Variants in CSGALNACT1 observed in about 807,000 individuals in gnomAD.
CSGALNACT1 encodes the protein beta4GalNAcT-1.
Under a neutral mutation model 51.0 loss-of-function variants are expected in CSGALNACT1, and 52 were observed. That is an observed-to-expected ratio of 1.02 (90% CI 0.82 to 1.29). The LOEUF is 1.29. Ranked by LOEUF, CSGALNACT1 falls within the 50% of genes most tolerant of loss-of-function variation. CSGALNACT1 has a pLI of 0.00. For synonymous variants in CSGALNACT1, 341 were observed against 254.4 expected, an observed-to-expected ratio of 1.34 and a Z score of -3.24; for missense variants, 935 against 679.2, an observed-to-expected ratio of 1.38 and a Z score of -4.19.
rs368645224 is a variant in CSGALNACT1 at position 19,457,539 on chromosome 8, G to T, written c.851+887C>A. The T allele has an allele frequency of 1.6e-5, 8 of 511,134 alleles. No homozygotes were observed. The Admixed American group carries it at 2.0e-4, about 13-fold the overall frequency. 31.7% of individuals were successfully genotyped at this position (511,134 alleles called of 1,614,324 possible). A position where few individuals can be genotyped will look rare whatever the true frequency, so the allele number is the denominator to read the frequency against. On this transcript the variant is annotated intron_variant, in intron 5 of 9. Transcript: ENST00000454498. ...GAGGCAGGAGAATTACCTGAACCTG[G>T]GAGGTGAAGGTTGCAGTGAGCAGAG...
chr8:19,629,071 T>C (rs1332086959), intron 1 of CSGALNACT1, among the ~76,000 whole-genome samples: 2 of 152,166 alleles, frequency 1.3e-5, no homozygotes, highest in Admixed American at 6.5e-5. Context: ...CTTATTCTAA[T>C]AGGTCCAAGT....
chr8:19,453,078 C>G (rs1054056915), intron 5 of CSGALNACT1, among the ~76,000 whole-genome samples: 3 of 152,122 alleles, frequency 2.0e-5, no homozygotes, highest in African/African-American at 7.2e-5. Flanking sequence ...AAAAAGAAAT[C>G]ATAGCAACCA....
chr8:19,529,770 T>C (rs1434851090), intron 3 of CSGALNACT1, among the ~76,000 whole-genome samples: 1 of 152,182 alleles, frequency 6.6e-6, no homozygotes, highest in African/African-American at 2.4e-5. Flanking sequence ...TTATGCAAAA[T>C]GGTGCAGTAC....
intron 1 of CSGALNACT1, among the ~76,000 whole-genome samples, chr8:19,653,585 G>T (rs1045265164): frequency 6.6e-6 from 1 of 152,084 alleles, no homozygotes. Context: ...CTTGACCCCA[G>T]GAGTTAGAGA....
chr8:19,567,733 G>A (rs1215666979), intron 3 of CSGALNACT1, among the ~76,000 whole-genome samples: 1 of 151,990 alleles, frequency 6.6e-6, no homozygotes, highest in Non-Finnish European at 1.5e-5. Context: ...GTAGAAAATA[G>A]GAAAAATCCA....
At chr8:19,507,029 C>T (rs2077463616) in intron 3 of CSGALNACT1, among the ~76,000 whole-genome samples, 1 of 152,206 alleles carries the variant, frequency 6.6e-6, no homozygotes. Context: ...AGAGGATCGA[C>T]ATGGTTCTGA....
intron 4 of CSGALNACT1, among the ~76,000 whole-genome samples, chr8:19,461,279 G>C (rs1202539672): frequency 6.6e-6 from 1 of 152,340 alleles, no homozygotes; most frequent in East Asian, 1.9e-4. Flanking sequence ...ATTCCTTCAG[G>C]AATGTAGTGC....
intron 1 of CSGALNACT1, among the ~76,000 whole-genome samples, chr8:19,704,204 C>T (rs1431436182): frequency 4.6e-5 from 7 of 152,198 alleles, no homozygotes; most frequent in African/African-American, 2.4e-5. Context: ...AAAAACAAGG[C>T]ACTAAACGAA....
chr8:19,613,998 G>A (rs1224474646), intron 1 of CSGALNACT1, among the ~76,000 whole-genome samples: 1 of 152,156 alleles, frequency 6.6e-6, no homozygotes, highest in Non-Finnish European at 1.5e-5. Context: ...ACGATCAAGT[G>A]ACTCTGGAAA....
At chr8:19,498,312 G>A (rs796601651) in intron 4 of CSGALNACT1, among the ~76,000 whole-genome samples, 7 of 152,170 alleles carry the variant, frequency 4.6e-5, no homozygotes, top group East Asian at 3.9e-4. Flanking sequence ...ATTAAGCCTC[G>A]GTGCAGGACC....
Position 19,505,495 on chromosome 8 carries a change from C to G in CSGALNACT1, c.340G>C (p.Glu114Gln), listed in dbSNP as rs1421908133. ...GCCAGGAGGTCGGCCTGGGTTTTCT[C>G]TGGGGGGCTCCTGTCCAGACCCAGG... Residue 114 changes from glutamate to glutamine, a missense_variant, in exon 4 of 10, where the codon GAG becomes CAG. Coordinates refer to ENST00000454498, the Ensembl canonical transcript of CSGALNACT1. 5 of 1,614,118 alleles carry G rather than the reference C, an allele frequency of 3.1e-6. No homozygotes were observed. The South Asian group carries it at 4.4e-5, about 14-fold the overall frequency.
intron 6 of CSGALNACT1, among the ~76,000 whole-genome samples, chr8:19,423,596 G>C (rs924043938): frequency 9.2e-5 from 14 of 152,166 alleles, no homozygotes; most frequent in African/African-American, 3.4e-4. Context: ...GGGAAAAGGG[G>C]TGGGAAGAAC....
At chr8:19,507,906 C>T (rs2077688963) in intron 3 of CSGALNACT1, among the ~76,000 whole-genome samples, 2 of 152,236 alleles carry the variant, frequency 1.3e-5, no homozygotes, top group Non-Finnish European at 2.9e-5. Flanking sequence ...GGATTACAGG[C>T]GTGAGCCGCC....
chr8:19,706,938 T>C (rs1248485795), intron 1 of CSGALNACT1, among the ~76,000 whole-genome samples: 1 of 152,094 alleles, frequency 6.6e-6, no homozygotes, highest in Non-Finnish European at 1.5e-5. Flanking sequence ...GCCTCGTATC[T>C]GATCAAAATC....
chr8:19,519,994 A>T (rs1229163774), intron 3 of CSGALNACT1, among the ~76,000 whole-genome samples: 1 of 152,104 alleles, frequency 6.6e-6, no homozygotes, highest in Non-Finnish European at 1.5e-5. Context: ...GCCGGCACCC[A>T]CTCTGATGAG....
chr8:19,501,901 T>A (rs887939857), intron 4 of CSGALNACT1, among the ~76,000 whole-genome samples: 1 of 152,174 alleles, frequency 6.6e-6, no homozygotes, highest in African/African-American at 2.4e-5. Flanking sequence ...TCTTCCCAGA[T>A]GGTTGTAAAA....
In CSGALNACT1 at chr8:19,539,363, T is replaced by A. The variant is rs375124453; in HGVS notation, c.-296-33233A>T. Among the ~76,000 whole-genome samples, 33 of 152,194 alleles carry A rather than the reference T, an allele frequency of 2.2e-4. 2 individuals carry two copies. Among genetic ancestry groups the A allele is most frequent in the Admixed American group, 1.8e-3 (28 of 15,288 alleles). On this transcript the variant is annotated intron_variant, in intron 3 of 9. Coordinates refer to ENST00000454498, the Ensembl canonical transcript of CSGALNACT1. ...CTATCTGAAATTAATCTTATTAATGTTCTTATTTATTATCTGCCTTCCCTT... is the reference window on the plus strand; with the variant it reads ...CTATCTGAAATTAATCTTATTAATGATCTTATTTATTATCTGCCTTCCCTT...
At chr8:19,654,557 AT>A (rs1280942041) in intron 1 of CSGALNACT1, among the ~76,000 whole-genome samples, 1 of 152,066 alleles carries the variant, frequency 6.6e-6, no homozygotes, top group Non-Finnish European at 1.5e-5. Flanking sequence ...TTAGGTAATT[AT>A]TTTTGAGAGG....
chr8:19,561,108 T>G (rs1392281637), intron 3 of CSGALNACT1, among the ~76,000 whole-genome samples: 1 of 151,924 alleles, frequency 6.6e-6, no homozygotes, highest in African/African-American at 2.4e-5. Flanking sequence ...AAAAGAGTGG[T>G]GAGATTTTTT....
Sources: allele counts gnomAD v4.1 joint callset (sites outside exome capture counted in the v4.1 genomes callset), GRCh38; gene constraint gnomAD v4.1.1; transcripts MANE v1.5; gene names NCBI Gene and HGNC (gene_info 2026-07-23, HGNC 2026-07-21).